The following AGBL4 variants were observed in gnomAD, a reference collection of about 807,000 sequenced individuals.
AGBL4 encodes the protein cytosolic carboxypeptidase 6.
AGBL4 carries 58 observed loss-of-function variants against 66.4 expected under a neutral mutation model. The ratio of observed to expected loss-of-function variants is 0.87; its 90% CI spans 0.71 to 1.09. The LOEUF (loss-of-function observed/expected upper bound fraction) is 1.09, where lower values mean the gene tolerates loss of function less well. AGBL4 is among the 50% of genes least tolerant of loss of function. The probability of loss-of-function intolerance (pLI) is 0.00; values close to 1 mark genes in which losing one functional copy is unlikely to be tolerated. For missense variants in AGBL4, 579 were observed against 631.0 expected, an observed-to-expected ratio of 0.92 and a Z score of 0.88; for synonymous variants, 234 against 222.9, an observed-to-expected ratio of 1.05 and a Z score of -0.44.
chr1:49,841,832 C>T (rs1437298604), intron 2 of AGBL4: 1 of 434,400 alleles, frequency 2.3e-6, no homozygotes, highest in Admixed American at 3.7e-5. Context: ...GGCACCACGG[C>T]CTTTGTCTCA....
chr1:48,676,577 A>G (rs976353949), intron 6 of AGBL4, among the ~76,000 whole-genome samples: 2 of 152,216 alleles, frequency 1.3e-5, no homozygotes, highest in African/African-American at 4.8e-5. Flanking sequence ...ATAAATGTTT[A>G]CTGACTAATA....
chr1:49,742,707 C>T (rs1490921938), intron 2 of AGBL4, among the ~76,000 whole-genome samples: 3 of 151,710 alleles, frequency 2.0e-5, no homozygotes, highest in East Asian at 1.9e-4. Flanking sequence ...AACAGAGATA[C>T]AGACCAATGG....
chr1:49,129,876 G>A (rs1365885039), intron 4 of AGBL4, among the ~76,000 whole-genome samples: 5 of 152,148 alleles, frequency 3.3e-5, no homozygotes, highest in African/African-American at 1.2e-4. Flanking sequence ...CTAGATCCCT[G>A]AGGAATCGCC....
At chr1:49,055,432 A>G (rs2147897593) in intron 4 of AGBL4, among the ~76,000 whole-genome samples, 1 of 152,202 alleles carries the variant, frequency 6.6e-6, no homozygotes, top group South Asian at 2.1e-4. Flanking sequence ...TTTATCAGGC[A>G]GGTACCTGAG....
intron 2 of AGBL4, among the ~76,000 whole-genome samples, chr1:49,818,138 T>A (rs1645277117): frequency 6.6e-6 from 1 of 151,886 alleles, no homozygotes; most frequent in Non-Finnish European, 1.5e-5. Flanking sequence ...AAAAAAAAAA[T>A]TAAACATTTG....
At chr1:48,692,243 A>G (rs1646644240) in intron 6 of AGBL4, among the ~76,000 whole-genome samples, 1 of 152,184 alleles carries the variant, frequency 6.6e-6, no homozygotes, top group Non-Finnish European at 1.5e-5. Flanking sequence ...AATGGCATAG[A>G]GTGGTATTTT....
chr1:49,699,747 G>A (rs755713967), intron 2 of AGBL4, among the ~76,000 whole-genome samples: 70 of 151,750 alleles, frequency 4.6e-4, no homozygotes, highest in Non-Finnish European at 9.1e-4. Flanking sequence ...AGATGGTGGT[G>A]GACAAAATGA....
At chr1:49,823,785 T>TGTGTGTGA (rs1234333715) in intron 2 of AGBL4, among the ~76,000 whole-genome samples, 1 of 151,712 alleles carries the variant, frequency 6.6e-6, no homozygotes, top group Non-Finnish European at 1.5e-5. Flanking sequence ...ATAATGTGTG[T>TGTGTGTGA]GTGTGTGTGT....
intron 6 of AGBL4, among the ~76,000 whole-genome samples, chr1:48,782,081 G>A (rs905246591): frequency 5.9e-5 from 9 of 152,176 alleles, no homozygotes; most frequent in African/African-American, 2.2e-4. Flanking sequence ...AAGGCTTGTG[G>A]TTATATTTCA....
chr1:48,924,079 T>C (rs1228146020), intron 5 of AGBL4, among the ~76,000 whole-genome samples: 2 of 152,142 alleles, frequency 1.3e-5, no homozygotes, highest in East Asian at 3.8e-4. Flanking sequence ...ATCTCTTTGA[T>C]ATTTTGCCAA....
intron 3 of AGBL4, among the ~76,000 whole-genome samples, chr1:49,623,851 C>G (rs1323088046): frequency 6.6e-6 from 1 of 152,228 alleles, no homozygotes; most frequent in Non-Finnish European, 1.5e-5. Context: ...AAAGAAAGAG[C>G]TTTGCCATGA....
At chr1:48,558,113 G>C (rs1376277940) in intron 11 of AGBL4, among the ~76,000 whole-genome samples, 3 of 152,216 alleles carry the variant, frequency 2.0e-5, no homozygotes, top group Non-Finnish European at 4.4e-5. Flanking sequence ...GTATTGTGTA[G>C]ACTGTATGAC....
At chr1:49,739,748 C>G (rs1650260834) in intron 2 of AGBL4, among the ~76,000 whole-genome samples, 1 of 152,150 alleles carries the variant, frequency 6.6e-6, no homozygotes, top group Non-Finnish European at 1.5e-5. Context: ...GGCCAATATT[C>G]AACATTCTTA....
intron 9 of AGBL4, among the ~76,000 whole-genome samples, chr1:48,632,828 C>G (rs747623166): frequency 1.3e-5 from 2 of 152,192 alleles, no homozygotes; most frequent in African/African-American, 2.4e-5. Context: ...AACACAGAAG[C>G]CTGGGAGGGC....
intron 3 of AGBL4, among the ~76,000 whole-genome samples, chr1:49,353,757 C>G (rs1054836846): frequency 7.2e-5 from 11 of 152,162 alleles, no homozygotes; most frequent in African/African-American, 2.7e-4. Flanking sequence ...GGCGGCAGAG[C>G]GGCACAGCAG....
intron 3 of AGBL4, among the ~76,000 whole-genome samples, chr1:49,692,957 A>G (rs905355420): frequency 6.6e-6 from 1 of 152,218 alleles, no homozygotes; most frequent in African/African-American, 2.4e-5. Flanking sequence ...AAAAGGAGTC[A>G]AAATAATAAC....
At chr1:49,468,909 A>C (rs1646684263) in intron 3 of AGBL4, among the ~76,000 whole-genome samples, 1 of 151,826 alleles carries the variant, frequency 6.6e-6, no homozygotes, top group Non-Finnish European at 1.5e-5. Context: ...TGAAATATAA[A>C]ATTTCTCAAG....
At chr1:49,803,757 T>C (rs1250955137) in intron 2 of AGBL4, among the ~76,000 whole-genome samples, 1 of 152,202 alleles carries the variant, frequency 6.6e-6, no homozygotes, top group African/African-American at 2.4e-5. Flanking sequence ...TTAGCAAATA[T>C]GTCATTGCCA....
intron 3 of AGBL4, among the ~76,000 whole-genome samples, chr1:49,439,672 G>T (rs1163094095): frequency 1.3e-5 from 2 of 152,152 alleles, no homozygotes; most frequent in African/African-American, 4.8e-5. Flanking sequence ...TCAGCTGCCA[G>T]TGCAGCTAGA....
Sources: gnomAD v4.1 joint callset for allele counts (sites outside exome capture counted in the v4.1 genomes callset) on GRCh38, gnomAD v4.1.1 for gene constraint, MANE v1.5 for transcripts, NCBI Gene and HGNC (gene_info 2026-07-23, HGNC 2026-07-21) for gene names.